The following COL6A3 variants were observed in gnomAD, a reference collection of about 807,000 sequenced individuals.
The protein encoded by COL6A3 is collagen alpha-3(VI) chain.
Under a neutral mutation model 274.1 loss-of-function variants are expected in COL6A3, and 137 were observed. The observed-to-expected ratio is 0.50, with a 90% CI of 0.44 to 0.58. The LOEUF is 0.58. Among genes scored for constraint, COL6A3 ranks in the 20% least tolerant of loss-of-function variants. The pLI is 0.00. For synonymous variants in COL6A3, 1,650 were observed against 1,650.6 expected (o/e 1.00, Z 0.01); for missense variants, 3,950 against 4,124.9 (o/e 0.96, Z 1.16).
Position 237,372,203 on chromosome 2 carries a change from C to A in COL6A3, c.3814G>T (p.Ala1272Ser), listed in dbSNP as rs751215444. 2 of 1,614,122 alleles carry A rather than the reference C, an allele frequency of 1.2e-6. No homozygotes were observed. Among genetic ancestry groups the A allele is most frequent in the Non-Finnish European group, 1.7e-6 (2 of 1,180,030 alleles). The change falls in exon 9 of 44, where the codon GCT (alanine) becomes TCT (serine). Residue 1272 changes from alanine to serine, a missense_variant. Ala to Ser is a moderately conservative substitution (Grantham distance 99). This residue lies in a region of COL6A3 where 1,934 missense variants were observed against 1,984.3 expected (regional missense o/e 0.97). Coordinates refer to ENST00000295550, the MANE Select transcript of COL6A3 (RefSeq NM_004369.4). ...GGGTCATCGCTGAACTGGATGACAG[C>A]CACCCGGGTGGTGTCAAAGCCCACG... Reference protein sequence around the residue: ...LDVGFDTTRVAVIQFSDDPKV... With the variant: ...LDVGFDTTRVSVIQFSDDPKV...
Position 237,372,211 on chromosome 2 carries a change from G to A in COL6A3, c.3806C>T (p.Thr1269Ile), listed in dbSNP as rs1064796775. ...VDYLDVGFDT[T>I]RVAVIQFSDD... The stretch of plus-strand genomic sequence containing the variant: ...GCTGAACTGGATGACAGCCACCCGG[G>A]TGGTGTCAAAGCCCACGTCCAGGTA... Residue 1269 changes from threonine (T) to isoleucine (I), a missense_variant, in exon 9 of 44, where the codon ACC becomes ATC. Coordinates refer to ENST00000295550, the MANE Select transcript of COL6A3 (RefSeq NM_004369.4). 1 of 1,614,094 alleles carries A rather than the reference G, an allele frequency of 6.2e-7. No homozygotes were observed. The highest frequency in any genetic ancestry group is 8.5e-7 in the Non-Finnish European group (1 of 1,180,030).
intron 42 of COL6A3, chr2:237,333,243 C>T: frequency 1.6e-6 from 1 of 611,212 alleles, no homozygotes; most frequent in Non-Finnish European, 2.9e-6. Context: ...CAAATTTTCA[C>T]TGAGTCTGAT....
chr2:237,325,466 T>G, intron 43 of COL6A3, 94 bp downstream of exon 43: 5 of 1,321,008 alleles, frequency 3.8e-6, no homozygotes, highest in Non-Finnish European at 5.5e-6. Flanking sequence ...TTCACATGTA[T>G]CATAATCATT....
intron 39 of COL6A3, among the ~76,000 whole-genome samples, chr2:237,337,827 A>G (rs1700628260): frequency 1.3e-5 from 2 of 152,162 alleles, no homozygotes; most frequent in East Asian, 1.9e-4. Context: ...AACACGGCAC[A>G]TGGGCCAGGC....
Position 237,353,412 on chromosome 2 carries a change from TAAG to T in COL6A3, c.6628-12_6628-10del, listed in dbSNP as rs762053098. 2 of 1,613,574 alleles carry T rather than the reference TAAG, an allele frequency of 1.2e-6. No individual in the cohort carries two copies. ...GGACCGCCCTTGTTGCCCTTTGAAATAAGAGAAGATGCAGGGAGGAGTCAGGAT... is the reference window on the plus strand; with the variant it reads ...GGACCGCCCTTGTTGCCCTTTGAAATAGAAGATGCAGGGAGGAGTCAGGAT... On this transcript the variant is annotated splice_polypyrimidine_tract_variant and intron_variant, in intron 24 of 43. Transcript: ENST00000295550.
chr2:237,350,240 T>C, intron 27 of COL6A3, 31 bp from the exon 28 acceptor site: 1 of 1,611,896 alleles, frequency 6.2e-7, no homozygotes, highest in African/African-American at 1.3e-5. Context: ...TGAGACCCTG[T>C]GGCCTGGGGC....
At chr2:237,333,631 C>A (rs1700380223) in intron 41 of COL6A3, 83 bp from the exon 42 acceptor site, 17 of 1,207,286 alleles carry the variant, frequency 1.4e-5, no homozygotes, top group Non-Finnish European at 1.8e-5. Context: ...TATAAGGTTG[C>A]CTGCTGTGAT....
At chr2:237,355,006 C>A in intron 23 of COL6A3, 72 bp from the exon 24 acceptor site, 1 of 1,373,530 alleles carries the variant, frequency 7.3e-7, no homozygotes, top group East Asian at 2.4e-5. Flanking sequence ...AGAGCTCTTT[C>A]AGACTTCACC....
chr2:237,331,728 A>ATTT (rs1201415958), intron 42 of COL6A3, among the ~76,000 whole-genome samples: 22 of 149,674 alleles, frequency 1.5e-4, no homozygotes, highest in South Asian at 6.5e-4. Context: ...TTTTTTTAAA[A>ATTT]AAAAAAAAAG....
Position 237,340,662 on chromosome 2 carries a change from G to T in COL6A3, c.8254C>A (p.Leu2752Met), listed in dbSNP as rs1402239186. The change falls in exon 38 of 44, where the codon CTG becomes ATG. Residue 2752 changes from leucine to methionine, a missense_variant. This residue lies in a region of COL6A3 where 1,284 missense variants were observed against 1,349.7 expected (regional missense o/e 0.95). Coordinates refer to ENST00000295550, the MANE Select transcript of COL6A3 (RefSeq NM_004369.4). ...AGGATGACTCTCTGGGCCTCCTCCA[G>T]CTGCTGCTCCGGCACCTCGCCCGTC... ...MLTGEVPEQQLEEAQRVILQA... is the reference protein window; with the variant it reads ...MLTGEVPEQQMEEAQRVILQA... 2 of 1,614,092 alleles carry T rather than the reference G, an allele frequency of 1.2e-6. No homozygotes were observed. Among genetic ancestry groups the T allele is most frequent in the African/African-American group, 2.7e-5 (2 of 74,938 alleles).
At position 237,344,454 on chromosome 2, in the gene COL6A3, C is replaced by A; in HGVS notation, c.7564G>T (p.Ala2522Ser). The A allele has an allele frequency of 6.2e-7, 1 of 1,614,184 alleles. No individual in the cohort carries two copies. The highest frequency in any genetic ancestry group is 8.5e-7 in the Non-Finnish European group (1 of 1,180,034). The change falls in exon 36 of 44, where the codon GCA (alanine) becomes TCA (serine). Residue 2522 changes from alanine to serine, a missense_variant. This residue lies in a region of COL6A3 where 1,284 missense variants were observed against 1,349.7 expected (regional missense o/e 0.95). Coordinates refer to ENST00000295550, the MANE Select transcript of COL6A3 (RefSeq NM_004369.4). The surrounding 1 kb of genome is among the most constrained non-coding windows in gnomAD (Gnocchi z 4.8). ...ACAGCCTCTCTGAGCTGTGGGGATGCTCTTGTGGGTGTGTTGCTGAAGAAA... is the reference window on the plus strand; with the variant it reads ...ACAGCCTCTCTGAGCTGTGGGGATGATCTTGTGGGTGTGTTGCTGAAGAAA... ...AVFFSNTPTR[A>S]SPQLREAVLK...
chr2:237,408,032 T>C (rs1167448778), intron 1 of COL6A3, among the ~76,000 whole-genome samples: 1 of 152,232 alleles, frequency 6.6e-6, no homozygotes, highest in Non-Finnish European at 1.5e-5. Context: ...ACTGTGGTGT[T>C]CCACTGTAAA....
rs2077920265 is a variant in COL6A3 at position 237,378,815 on chromosome 2, G to T, written c.2318C>A (p.Thr773Asn). ...ANALTRAGIL[T>N]FCVGASQANK... ...CGCCTGGCTAGCTCCCACACAAAAA[G>T]TCAGGATGCCCGCGCGTGTCAAGGC... is the stretch of plus-strand genomic sequence containing the variant. The change falls in exon 6 of 44, where the codon ACT (threonine) becomes AAT (asparagine). Residue 773 changes from threonine to asparagine, a missense_variant. By Grantham distance (65) the Thr-to-Asn change is moderately conservative (BLOSUM62 0). Transcript: ENST00000295550. The T allele has an allele frequency of 1.2e-6, 2 of 1,614,238 alleles. No individual in the cohort carries two copies. Among genetic ancestry groups the T allele is most frequent in the Non-Finnish European group, 1.7e-6 (2 of 1,180,038 alleles).
At chr2:237,380,848 T>C (rs1369022637) in intron 5 of COL6A3, 67 bp downstream of exon 5, 1 of 1,399,558 alleles carries the variant, frequency 7.1e-7, no homozygotes, top group East Asian at 2.3e-5. Flanking sequence ...CACTTCATTT[T>C]GTTTTGTTCT....
intron 17 of COL6A3, 47 bp from the exon 18 acceptor site, chr2:237,359,435 T>C: frequency 1.2e-6 from 2 of 1,611,078 alleles, no homozygotes; most frequent in Non-Finnish European, 1.7e-6. Context: ...CCTGCAGGGC[T>C]GGTCCCTCGG....
chr2:237,371,520 C>T lies in COL6A3; in HGVS notation c.4285+212G>A. On this transcript the variant is annotated intron_variant, in intron 9 of 43. Coordinates refer to ENST00000295550, the MANE Select transcript of COL6A3 (RefSeq NM_004369.4). The surrounding 1 kb of genome is among the most constrained non-coding windows in gnomAD (Gnocchi z 4.3). ...GGCTGAAGTGGGAGGTTGGCTGGAT[C>T]CCAGAAGGCAGAGGTTAAAATGAGT... is the stretch of plus-strand genomic sequence containing the variant. 9.1e-7 allele frequency: 1 copy of T among 1,096,250 alleles called. No individual in the cohort carries two copies. The allele number at this position is 1,096,250 out of a possible 1,614,324, so 67.9% of individuals were successfully genotyped here.
chr2:237,344,803 A>G lies in COL6A3; in HGVS notation c.7215T>C (p.Phe2405=), dbSNP rs768023388. 2 of 1,610,772 alleles carry G rather than the reference A, an allele frequency of 1.2e-6. No individual in the cohort carries two copies. Among genetic ancestry groups the G allele is most frequent in the South Asian group, 1.1e-5 (1 of 90,882 alleles). Reference sequence around the variant, plus strand: ...TGACTCCCTCAGAGGTGTCTAAAGCAAAGGCTAGTTCTGTTGGGAAGACGG... The same window carrying G: ...TGACTCCCTCAGAGGTGTCTAAAGCGAAGGCTAGTTCTGTTGGGAAGACGG... ...ECPVFPTELA[F]ALDTSEGVNQ... Residue 2405 remains phenylalanine (F), a synonymous_variant, in exon 36 of 44, where the codon TTT becomes TTC. Transcript: ENST00000295550. This position sits in a 1 kb window ranked among gnomAD's most constrained non-coding sequence, Gnocchi z 4.8.
At position 237,336,389 on chromosome 2, in the gene COL6A3, G is replaced by A. The variant is rs745922130; in HGVS notation, c.8711C>T (p.Ser2904Phe). ...CGGCTTTGCAGCGGCTGGCTTCACA[G>A]ATGGCTGATTTATAATAGTCACAGG... ...TKPVTIINQP[S>F]VKPAAAKPAP... is the part of the protein sequence containing the mutation. Residue 2904 changes from serine (S) to phenylalanine (F), a missense_variant, in exon 40 of 44, where the codon TCT becomes TTT. Physicochemically the swap from Ser to Phe is radical, Grantham distance 155 (BLOSUM62 -2). This residue lies in a region of COL6A3 where 1,284 missense variants were observed against 1,349.7 expected (regional missense o/e 0.95). Transcript: ENST00000295550. 1 of 1,614,268 alleles carries A rather than the reference G, an allele frequency of 6.2e-7. No individual in the cohort carries two copies. The highest frequency in any genetic ancestry group is 1.1e-5 in the South Asian group (1 of 91,082).
At chr2:237,362,974 G>A (rs573217953) in intron 14 of COL6A3, among the ~76,000 whole-genome samples, 188 of 152,316 alleles carry the variant, frequency 1.2e-3, no homozygotes, top group African/African-American at 4.2e-3. Flanking sequence ...AAAAGAGGCC[G>A]TTGCTAAGGG....
Sources: allele counts gnomAD v4.1 joint callset (sites outside exome capture counted in the v4.1 genomes callset), GRCh38; gene constraint gnomAD v4.1.1; regional missense constraint gnomAD v4.1.1; non-coding constraint Gnocchi (gnomAD v3.1); transcripts MANE v1.5; gene names NCBI Gene and HGNC (gene_info 2026-07-23, HGNC 2026-07-21).